ANO6: variants seen among roughly 807,000 people sequenced by gnomAD.
ANO6 encodes anoctamin-6.
A neutral mutation model predicts 117.5 loss-of-function variants in ANO6; 106 were observed. The observed-to-expected ratio is 0.90, with a 90% CI of 0.77 to 1.06. The LOEUF is 1.06. Ranked by LOEUF, ANO6 falls within the 50% of genes least tolerant of loss-of-function variation. ANO6 has a pLI of 0.00. For synonymous variants in ANO6, 367 were observed against 385.1 expected (o/e 0.95, Z 0.55); for missense variants, 955 against 1,121.1 (o/e 0.85, Z 2.12).
At chr12:45,417,161 T>C (rs1361853377) in intron 17 of ANO6, among the ~76,000 whole-genome samples, 1 of 152,236 alleles carries the variant, frequency 6.6e-6, no homozygotes, top group Non-Finnish European at 1.5e-5. Context: ...GTATGAAATA[T>C]GGTAATGATA....
intron 12 of ANO6, among the ~76,000 whole-genome samples, chr12:45,390,865 T>TA (rs1942430142): frequency 6.6e-6 from 1 of 152,168 alleles, no homozygotes; most frequent in Non-Finnish European, 1.5e-5. Context: ...CTCATGCCTA[T>TA]AATCCAAGCA....
chr12:45,341,254 A>G (rs1023772667), intron 3 of ANO6, among the ~76,000 whole-genome samples: 4 of 152,208 alleles, frequency 2.6e-5, no homozygotes, highest in Admixed American at 2.6e-4. Flanking sequence ...ACAGCAATAC[A>G]TATTAAAGAA....
rs79107560 is a variant in ANO6, at chr12:45,217,621, G to A, written c.70+1230G>A. On this transcript the variant is annotated intron_variant, in intron 1 of 19. Coordinates refer to ENST00000320560, the MANE Select transcript of ANO6 (RefSeq NM_001025356.3). The stretch of plus-strand genomic sequence containing the variant: ...AAATAGTAGTAGTTTTTATAGGAGA[G>A]AAAACTGAAGCGCACAGGTTGGTCT... Among the ~76,000 whole-genome samples, 1,430 of 152,298 alleles carry A rather than the reference G, an allele frequency of 9.4e-3. 25 individuals carry two copies. The highest frequency in any genetic ancestry group is 0.032 in the African/African-American group (1,347 of 41,562).
Position 45,409,440 on chromosome 12 carries a change from T to G in ANO6, c.1964T>G (p.Leu655Arg). Residue 655 changes from leucine to arginine, a missense_variant, in exon 16 of 20, where the codon CTG becomes CGG. Transcript: ENST00000320560. Reference sequence around the variant, plus strand: ...CCACGATGGGAACAGGACTACCATCTGCAGCCTATGGGCAAACTGGGATTA... The same window carrying G: ...CCACGATGGGAACAGGACTACCATCGGCAGCCTATGGGCAAACTGGGATTA... ...ITPRWEQDYH[L>R]QPMGKLGLFY... 1 of 1,614,106 alleles carries G rather than the reference T, an allele frequency of 6.2e-7. No individual in the cohort carries two copies. Among genetic ancestry groups the G allele is most frequent in the Admixed American group, 1.7e-5 (1 of 60,034 alleles).
At chr12:45,342,886 G>C (rs1941020270) in intron 3 of ANO6, among the ~76,000 whole-genome samples, 1 of 152,124 alleles carries the variant, frequency 6.6e-6, no homozygotes, top group African/African-American at 2.4e-5. Context: ...GCAATGAAGA[G>C]AAAAATGGGA....
Position 45,402,155 on chromosome 12 carries a change from C to A in ANO6, c.1612+135C>A, listed in dbSNP as rs1405061252. On this transcript the variant is annotated intron_variant, in intron 13 of 19. Coordinates refer to ENST00000320560, the MANE Select transcript of ANO6 (RefSeq NM_001025356.3). ...AAATTTTCAAGTGTAAACATATTTTCTCTAGCATGTATGGAAATAAATTAT... is the reference window on the plus strand; with the variant it reads ...AAATTTTCAAGTGTAAACATATTTTATCTAGCATGTATGGAAATAAATTAT... 4 of 715,978 alleles carry A rather than the reference C, an allele frequency of 5.6e-6. No homozygotes were observed. In the Admixed American group the frequency reaches 8.1e-5, roughly 14 times the overall value. 44.4% of individuals were successfully genotyped at this position (715,978 alleles called of 1,614,324 possible).
At chr12:45,387,225 T>C (rs1942322267) in intron 10 of ANO6, among the ~76,000 whole-genome samples, 1 of 152,222 alleles carries the variant, frequency 6.6e-6, no homozygotes, top group Non-Finnish European at 1.5e-5. Context: ...ACTGCATTTT[T>C]TCAATTAACA....
chr12:45,413,158 A>G (rs898293842), intron 16 of ANO6, among the ~76,000 whole-genome samples: 3 of 152,258 alleles, frequency 2.0e-5, no homozygotes, highest in African/African-American at 4.8e-5. Flanking sequence ...AATAAGATCA[A>G]TCACGCAGCA....
chr12:45,298,788 C>G (rs1939381782), intron 1 of ANO6, among the ~76,000 whole-genome samples: 1 of 152,110 alleles, frequency 6.6e-6, no homozygotes, highest in East Asian at 1.9e-4. Flanking sequence ...GATAGAACAT[C>G]TGGGTAATCT....
At chr12:45,396,230 C>G (rs1273361187) in intron 12 of ANO6, among the ~76,000 whole-genome samples, 2 of 152,144 alleles carry the variant, frequency 1.3e-5, no homozygotes, top group African/African-American at 4.8e-5. Context: ...CATGAGTGAA[C>G]TCCCATTCAC....
At chr12:45,224,081 G>A (rs10880761) in intron 1 of ANO6, among the ~76,000 whole-genome samples, 22,703 of 152,076 alleles carry the variant, frequency 0.15, 2,445 homozygotes, top group East Asian at 0.37. Context: ...GTACCTCACT[G>A]TCTAGAAAGG....
chr12:45,220,146 G>T (rs1947374753), intron 1 of ANO6, among the ~76,000 whole-genome samples: 1 of 152,134 alleles, frequency 6.6e-6, no homozygotes, highest in Non-Finnish European at 1.5e-5. Flanking sequence ...GTTCTCTGTG[G>T]TCAAGCTTTG....
chr12:45,411,119 TC>T (rs1445216430), intron 16 of ANO6, among the ~76,000 whole-genome samples: 2 of 152,244 alleles, frequency 1.3e-5, no homozygotes, highest in Non-Finnish European at 2.9e-5. Context: ...TTTTTAAAAA[TC>T]CTGGGGCAGA....
intron 1 of ANO6, among the ~76,000 whole-genome samples, chr12:45,240,082 A>C (rs1947714110): frequency 6.6e-6 from 1 of 152,090 alleles, no homozygotes; most frequent in Non-Finnish European, 1.5e-5. Flanking sequence ...TATCCTTGTT[A>C]ACCTTCGTTC....
intron 1 of ANO6, among the ~76,000 whole-genome samples, chr12:45,287,038 G>A (rs1938940186): frequency 6.6e-6 from 1 of 152,204 alleles, no homozygotes; most frequent in Non-Finnish European, 1.5e-5. Flanking sequence ...ATCCTAGGTG[G>A]TTGGGATTCA....
chr12:45,357,249 A>G, intron 7 of ANO6, 41 bp from the exon 8 acceptor site: 2 of 1,604,072 alleles, frequency 1.2e-6, no homozygotes, highest in South Asian at 2.2e-5. Flanking sequence ...CTACGGAGTA[A>G]TTATTTGCAT....
intron 1 of ANO6, among the ~76,000 whole-genome samples, chr12:45,218,724 T>A (rs1387435509): frequency 6.6e-6 from 1 of 152,206 alleles, no homozygotes; most frequent in Non-Finnish European, 1.5e-5. Context: ...ACAAAATAAT[T>A]ATTATTTCCA....
At position 45,357,281 on chromosome 12, in the gene ANO6, T is replaced by C. The variant is rs371009341; in HGVS notation, c.864-9T>C. 9 of 1,613,208 alleles carry C rather than the reference T, an allele frequency of 5.6e-6. 1 individual carries two copies. In the South Asian group the frequency reaches 8.8e-5, roughly 16 times the overall value. On this transcript the variant is annotated splice_polypyrimidine_tract_variant and intron_variant, in intron 7 of 19. Transcript: ENST00000320560. ...GCATCTTCTAAAAATAATTTCTGTCTTTCTTCAGGAAATACTATGGAGAGA... is the reference window on the plus strand; with the variant it reads ...GCATCTTCTAAAAATAATTTCTGTCCTTCTTCAGGAAATACTATGGAGAGA...
At chr12:45,278,803 G>A (rs1291843816) in intron 1 of ANO6, among the ~76,000 whole-genome samples, 1 of 152,162 alleles carries the variant, frequency 6.6e-6, no homozygotes, top group East Asian at 1.9e-4. Context: ...AAGATGGCTG[G>A]AAGTTCTGTA....
Sources: allele counts gnomAD v4.1 joint callset (sites outside exome capture counted in the v4.1 genomes callset), GRCh38; gene constraint gnomAD v4.1.1; transcripts MANE v1.5; gene names NCBI Gene and HGNC (gene_info 2026-07-23, HGNC 2026-07-21).